The following ARHGAP28 variants were observed in gnomAD, a reference collection of about 807,000 sequenced individuals.
The protein encoded by ARHGAP28 is Rho GTPase activating protein 28.
Under a neutral mutation model 90.7 loss-of-function variants are expected in ARHGAP28, and 56 were observed. The ratio of observed to expected loss-of-function variants is 0.62; its 90% confidence interval spans 0.50 to 0.77. The LOEUF is 0.77. Ranked by LOEUF, ARHGAP28 falls within the 30% of genes least tolerant of loss-of-function variation. The pLI, the probability that ARHGAP28 is intolerant of heterozygous loss-of-function variation, is 0.00. For missense variants in ARHGAP28, 869 were observed against 900.9 expected (o/e 0.96, Z 0.45); for synonymous variants, 308 against 323.3 (o/e 0.95, Z 0.51).
At chr18:6,782,645 T>TCAC (rs2056334707) in intron 1 of ARHGAP28, among the ~76,000 whole-genome samples, 1 of 136,416 alleles carries the variant, frequency 7.3e-6, no homozygotes, top group Non-Finnish European at 1.6e-5. Context: ...AGACGGGGTT[T>TCAC]CACCATGTTG....
intron 1 of ARHGAP28, among the ~76,000 whole-genome samples, chr18:6,784,036 A>C (rs1304429687): frequency 1.3e-5 from 2 of 152,086 alleles, no homozygotes; most frequent in African/African-American, 4.8e-5. Flanking sequence ...GCAAATAGCC[A>C]GGCAGACTCT....
intron 3 of ARHGAP28, among the ~76,000 whole-genome samples, chr18:6,841,942 C>T (rs2056830949): frequency 6.6e-6 from 1 of 152,164 alleles, no homozygotes; most frequent in African/African-American, 2.4e-5. Flanking sequence ...CCTTCTGAAA[C>T]TCCTGTTAGA....
At chr18:6,793,613 C>T (rs1169604677) in intron 1 of ARHGAP28, among the ~76,000 whole-genome samples, 1 of 152,118 alleles carries the variant, frequency 6.6e-6, no homozygotes, top group African/African-American at 2.4e-5. Context: ...CACCTTCATA[C>T]ATATGTAAAG....
intron 4 of ARHGAP28, among the ~76,000 whole-genome samples, chr18:6,856,846 A>G (rs112476910): frequency 6.6e-6 from 1 of 152,222 alleles, no homozygotes; most frequent in Non-Finnish European, 1.5e-5. Context: ...CCCATTTCAT[A>G]TAAGTCTAAT....
intron 7 of ARHGAP28, among the ~76,000 whole-genome samples, chr18:6,872,118 G>T (rs1355538148): frequency 6.6e-6 from 1 of 152,194 alleles, no homozygotes; most frequent in African/African-American, 2.4e-5. Context: ...GTTTCAGGGG[G>T]AGCCCCTCCT....
At chr18:6,826,683 CTT>C (rs36069648) in intron 2 of ARHGAP28, among the ~76,000 whole-genome samples, 9 of 88,260 alleles carry the variant, frequency 1.0e-4, no homozygotes, top group East Asian at 3.8e-4. Context: ...GGATTTTGAG[CTT>C]TTTTTTTTTT....
chr18:6,732,756 C>G (rs117418681), intron 1 of ARHGAP28, among the ~76,000 whole-genome samples: 74 of 152,252 alleles, frequency 4.9e-4, no homozygotes, highest in Middle Eastern at 6.8e-3. Flanking sequence ...ATTGGCAGAC[C>G]TTGACTCTAC....
At chr18:6,880,685 C>A (rs968482261) in intron 10 of ARHGAP28, among the ~76,000 whole-genome samples, 1 of 152,220 alleles carries the variant, frequency 6.6e-6, no homozygotes, top group Non-Finnish European at 1.5e-5. Context: ...ACTGCTTGAG[C>A]AGGATCCCCT....
In ARHGAP28 at chr18:6,729,874, C is replaced by T. The variant is rs2143078552; in HGVS notation, c.53C>T (p.Ala18Val). 7.0e-7 allele frequency: 1 copy of T among 1,435,302 alleles called. No homozygotes were observed. The highest frequency in any genetic ancestry group is 9.1e-7 in the Non-Finnish European group (1 of 1,097,308). 88.9% of individuals were successfully genotyped at this position (1,435,302 alleles called of 1,614,324 possible). The change falls in exon 1 of 18, where the codon GCG becomes GTG. Residue 18 changes from alanine to valine, a missense_variant. Physicochemically the swap from Ala to Val is moderately conservative, Grantham distance 64. Coordinates refer to ENST00000383472, the MANE Select transcript of ARHGAP28 (RefSeq NM_001366230.1). ...GVVLTAYHSYARAQPPNAESR... is the reference protein window; with the variant it reads ...GVVLTAYHSYVRAQPPNAESR... ...GTGCTGACCGCCTACCACTCGTACG[C>T]GCGCGCCCAGCCCCCCAACGCCGAG...
At chr18:6,858,049 C>G (rs2056967831) in intron 4 of ARHGAP28, among the ~76,000 whole-genome samples, 1 of 152,130 alleles carries the variant, frequency 6.6e-6, no homozygotes, top group African/African-American at 2.4e-5. Context: ...CCCTCCATGT[C>G]TTTTGTTGTG....
intron 1 of ARHGAP28, among the ~76,000 whole-genome samples, chr18:6,802,596 C>G (rs1258026462): frequency 6.6e-6 from 1 of 152,002 alleles, no homozygotes; most frequent in Non-Finnish European, 1.5e-5. Context: ...TCTTGCCCAC[C>G]TTGGCCTCCC....
intron 1 of ARHGAP28, among the ~76,000 whole-genome samples, chr18:6,749,421 C>T (rs1330909810): frequency 6.6e-6 from 1 of 152,098 alleles, no homozygotes; most frequent in East Asian, 1.9e-4. Context: ...ATAACCTGTC[C>T]AGCAATCAGT....
intron 1 of ARHGAP28, among the ~76,000 whole-genome samples, chr18:6,812,285 G>C (rs1416738417): frequency 6.6e-6 from 1 of 152,154 alleles, no homozygotes; most frequent in African/African-American, 2.4e-5. Flanking sequence ...CACTTGGCTA[G>C]CCATCAAAAT....
At chr18:6,910,994 A>G (rs35855671) in intron 17 of ARHGAP28, among the ~76,000 whole-genome samples, 121,348 of 151,352 alleles carry the variant, frequency 0.8, 49,000 homozygotes, top group Non-Finnish European at 0.86. Context: ...ACAGGCGCCC[A>G]TCACCACGCC....
At chr18:6,785,350 G>C (rs2056357333) in intron 1 of ARHGAP28, among the ~76,000 whole-genome samples, 1 of 152,176 alleles carries the variant, frequency 6.6e-6, no homozygotes, top group Non-Finnish European at 1.5e-5. Flanking sequence ...AGGACCAGGT[G>C]TGTCACTCAA....
intron 5 of ARHGAP28, among the ~76,000 whole-genome samples, chr18:6,864,809 C>T (rs8092656): frequency 0.042 from 6,406 of 152,100 alleles, 415 homozygotes; most frequent in African/African-American, 0.15. Context: ...TTCTGCTTCC[C>T]CAGTAACTGG....
Position 6,729,793 on chromosome 18 carries a change from G to A in ARHGAP28, c.-29G>A. 1 of 1,382,386 alleles carries A rather than the reference G, an allele frequency of 7.2e-7. No homozygotes were observed. The highest frequency in any genetic ancestry group is 9.3e-7 in the Non-Finnish European group (1 of 1,070,956). 85.6% of individuals were successfully genotyped at this position (1,382,386 alleles called of 1,614,324 possible). A position where few individuals can be genotyped will look rare whatever the true frequency, so the allele number is the denominator to read the frequency against. ...ATGCTGGTCCCGGTCTTTGTTCTGG[G>A]GCCGGCGCCGAGACATGCGCGGCTG... is the stretch of plus-strand genomic sequence containing the variant. On this transcript the variant is annotated 5_prime_UTR_variant, in exon 1 of 18. Coordinates refer to ENST00000383472, the MANE Select transcript of ARHGAP28 (RefSeq NM_001366230.1).
At chr18:6,742,142 G>A (rs887965619) in intron 1 of ARHGAP28, among the ~76,000 whole-genome samples, 1 of 151,092 alleles carries the variant, frequency 6.6e-6, no homozygotes, top group South Asian at 2.1e-4. Context: ...CACATGACTT[G>A]GTTTTCTTTT....
rs549828499 is a variant in ARHGAP28 at position 6,860,396 on chromosome 18, CTTTTG to C, written c.726+506_726+510del. 1.6e-3 allele frequency among the ~76,000 whole-genome samples: 243 copies of C among 152,304 alleles called. 1 individual carries two copies. The highest frequency in any genetic ancestry group is 5.5e-3 in the African/African-American group (229 of 41,572). On this transcript the variant is annotated intron_variant, in intron 5 of 17. Coordinates refer to ENST00000383472, the MANE Select transcript of ARHGAP28 (RefSeq NM_001366230.1). ...TTGGTCTTAAGTAACAGAACTTGTACTTTTGTTTTGTCAAAAATTTTTGTCATTCC... is the reference window on the plus strand; with the variant it reads ...TTGGTCTTAAGTAACAGAACTTGTACTTTTGTCAAAAATTTTTGTCATTCC...
Sources: gnomAD v4.1 joint callset for allele counts (sites outside exome capture counted in the v4.1 genomes callset) on GRCh38, gnomAD v4.1.1 for gene constraint, MANE v1.5 for transcripts, NCBI Gene and HGNC (gene_info 2026-07-23, HGNC 2026-07-21) for gene names.